Variants in OR2L13 observed in about 807,000 individuals in gnomAD.
OR2L13 encodes olfactory receptor 2L13.
In OR2L13, 14 loss-of-function variants were observed where a neutral mutation model predicts 15.3. That is an observed-to-expected ratio of 0.91 (90% CI 0.60 to 1.43). The LOEUF is 1.43. OR2L13 is among the 40% of genes most tolerant of loss of function. The pLI is 0.00. For missense variants in OR2L13, 367 were observed against 387.9 expected, an observed-to-expected ratio of 0.95 and a Z score of 0.45; for synonymous variants, 152 against 142.9, an observed-to-expected ratio of 1.06 and a Z score of -0.45.
At chr1:248,091,369 C>A (rs1291997299), upstream of OR2L13, among the ~76,000 whole-genome samples, 1 of 151,942 alleles carries the variant, frequency 6.6e-6, no homozygotes, top group African/African-American at 2.4e-5. Context: ...GGTCCTATGT[C>A]CAGAATGACA....
the OR2L13 span, chr1:247,949,122 A>G: frequency 6.2e-7 from 1 of 1,613,992 alleles, no homozygotes; most frequent in Non-Finnish European, 8.5e-7. Context: ...GCATGGAAAC[A>G]AGTCTATCTC....
At chr1:247,998,922 T>G in the OR2L13 span, among the ~76,000 whole-genome samples, 2 of 152,156 alleles carry the variant, frequency 1.3e-5, no homozygotes, top group African/African-American at 4.8e-5. Flanking sequence ...GAGCAGAGCA[T>G]GTGGAAACAA....
the OR2L13 span, among the ~76,000 whole-genome samples, chr1:248,071,965 A>T: frequency 6.6e-6 from 1 of 151,670 alleles, no homozygotes; most frequent in Non-Finnish European, 1.5e-5. Flanking sequence ...CCACTGCTCA[A>T]TGAAATAAAA....
the OR2L13 span, among the ~76,000 whole-genome samples, chr1:247,967,583 T>C: frequency 2.6e-4 from 40 of 152,302 alleles, no homozygotes; most frequent in African/African-American, 9.6e-4. Flanking sequence ...TTGATACTAT[T>C]GATGTTTTTT....
At chr1:248,011,578 AG>A in the OR2L13 span, among the ~76,000 whole-genome samples, 3 of 152,132 alleles carry the variant, frequency 2.0e-5, no homozygotes, top group Non-Finnish European at 2.9e-5. Flanking sequence ...CATCATTTTC[AG>A]GTATACCAAT....
At chr1:247,943,466 G>C in the OR2L13 span, among the ~76,000 whole-genome samples, 1 of 151,970 alleles carries the variant, frequency 6.6e-6, no homozygotes, top group Non-Finnish European at 1.5e-5. Context: ...TTTATTTACT[G>C]GATACACTGA....
the OR2L13 span, among the ~76,000 whole-genome samples, chr1:247,963,841 C>A: frequency 6.6e-6 from 1 of 152,042 alleles, no homozygotes; most frequent in South Asian, 2.1e-4. Flanking sequence ...TTATTAATTA[C>A]TATTCTGCAT....
the OR2L13 span, among the ~76,000 whole-genome samples, chr1:248,001,108 T>C: frequency 6.6e-6 from 1 of 152,140 alleles, no homozygotes; most frequent in Non-Finnish European, 1.5e-5. Flanking sequence ...TGTGTGTACA[T>C]ACATATGCAT....
chr1:247,958,676 G>C, the OR2L13 span, among the ~76,000 whole-genome samples: 1 of 152,070 alleles, frequency 6.6e-6, no homozygotes, highest in Non-Finnish European at 1.5e-5. Context: ...TCGTTGAATT[G>C]ATCCCTTTAC....
chr1:248,068,295 C>A, the OR2L13 span, among the ~76,000 whole-genome samples: 37 of 152,060 alleles, frequency 2.4e-4, no homozygotes, highest in African/African-American at 8.7e-4. Flanking sequence ...TCCTCTGAGA[C>A]AAAATTTCCA....
At chr1:248,044,809 C>CAAAAA in the OR2L13 span, among the ~76,000 whole-genome samples, 7 of 8,118 alleles carry the variant, frequency 8.6e-4, no homozygotes, top group African/African-American at 5.4e-3. Context: ...AACTCCGTCT[C>CAAAAA]AAAAAAAAAA....
the OR2L13 span, chr1:247,938,978 G>A: frequency 1.3e-5 from 2 of 152,106 alleles, no homozygotes; most frequent in African/African-American, 2.4e-5. Context: ...AAACTTTTGT[G>A]GCAATTCATT....
chr1:247,973,151 C>A, the OR2L13 span, among the ~76,000 whole-genome samples: 3 of 152,148 alleles, frequency 2.0e-5, no homozygotes, highest in African/African-American at 7.2e-5. Context: ...CTATTTATGA[C>A]AAACACATAC....
chr1:248,087,296 C>T, the OR2L13 span, among the ~76,000 whole-genome samples: 52 of 152,274 alleles, frequency 3.4e-4, no homozygotes, highest in African/African-American at 1.3e-3. Flanking sequence ...TAGACACAGA[C>T]TGCATCTTAC....
chr1:248,003,273 T>A, the OR2L13 span: 7 of 1,573,908 alleles, frequency 4.4e-6, no homozygotes, highest in East Asian at 1.6e-4. Context: ...ATTCTTCTCA[T>A]CTTCTTGGAC....
At chr1:247,949,371 G>A in the OR2L13 span, 1 of 1,614,118 alleles carries the variant, frequency 6.2e-7, no homozygotes, top group Non-Finnish European at 8.5e-7. Flanking sequence ...CCGATCCAGG[G>A]CCATCAATCA....
the OR2L13 span, chr1:248,061,940 C>G: frequency 4.7e-6 from 1 of 210,856 alleles, no homozygotes; most frequent in Non-Finnish European, 9.5e-6. Flanking sequence ...CTCAGCATAA[C>G]AATTTCCTTA....
chr1:248,035,320 G>T, the OR2L13 span, among the ~76,000 whole-genome samples: 2 of 152,050 alleles, frequency 1.3e-5, no homozygotes, highest in African/African-American at 4.8e-5. Context: ...TTGGTGGCAG[G>T]TGCCTGTAGT....
chr1:248,028,866 C>T, the OR2L13 span, among the ~76,000 whole-genome samples: 1 of 152,206 alleles, frequency 6.6e-6, no homozygotes, highest in Non-Finnish European at 1.5e-5. Flanking sequence ...GTCTTACCTC[C>T]TCTTTCAGCA....
Sources: gnomAD v4.1 joint callset for allele counts (sites outside exome capture counted in the v4.1 genomes callset) on GRCh38, gnomAD v4.1.1 for gene constraint, MANE v1.5 for transcripts, NCBI Gene and HGNC (gene_info 2026-07-23, HGNC 2026-07-21) for gene names.